Variants in SNX29 observed in about 807,000 individuals in gnomAD.
The protein encoded by SNX29 is sorting nexin 29.
Under a neutral mutation model 102.1 loss-of-function variants are expected in SNX29, and 78 were observed. The observed-to-expected ratio is 0.76, with a 90% CI of 0.64 to 0.92. The LOEUF (loss-of-function observed/expected upper bound fraction) is 0.92, where lower values mean the gene tolerates loss of function less well. Among genes scored for constraint, SNX29 ranks in the 40% least tolerant of loss-of-function variants. The pLI is 0.00. For synonymous variants in SNX29, 580 were observed against 414.5 expected, an observed-to-expected ratio of 1.40 and a Z score of -4.85; for missense variants, 1,280 against 1,061.7, an observed-to-expected ratio of 1.21 and a Z score of -2.86.
At position 12,573,441 on chromosome 16, in the gene SNX29, G is replaced by C. The variant is rs545249320; in HGVS notation, c.*4812G>C. The C allele has an allele frequency of 4.9e-5, 11 of 224,128 alleles. No individual in the cohort carries two copies. The East Asian group carries it at 6.5e-4, about 13-fold the overall frequency. The allele number at this position is 224,128 out of a possible 1,614,324, so 13.9% of individuals were successfully genotyped here. A position where few individuals can be genotyped will look rare whatever the true frequency, so the allele number is the denominator to read the frequency against. On this transcript the variant is annotated 3_prime_UTR_variant, in exon 21 of 21. Coordinates refer to ENST00000566228, the MANE Select transcript of SNX29 (RefSeq NM_032167.5). The stretch of plus-strand genomic sequence containing the variant: ...GAAATCTGGCTTCCTTAATAAGATA[G>C]TTGAGCCTATGACATTAAGGAGCAG...
intron 20 of SNX29, among the ~76,000 whole-genome samples, chr16:12,551,490 T>G (rs1304526162): frequency 6.6e-6 from 1 of 152,168 alleles, no homozygotes; most frequent in Admixed American, 6.5e-5. Context: ...TAATGCAACA[T>G]TAATCTTTGG....
At chr16:12,479,323 C>T (rs762345406) in intron 19 of SNX29, among the ~76,000 whole-genome samples, 1 of 152,204 alleles carries the variant, frequency 6.6e-6, no homozygotes, top group Non-Finnish European at 1.5e-5. Flanking sequence ...TGACCTTTAT[C>T]ACAGAAACAC....
At chr16:12,550,474 G>A (rs968519436) in intron 20 of SNX29, among the ~76,000 whole-genome samples, 1 of 151,242 alleles carries the variant, frequency 6.6e-6, no homozygotes, top group Non-Finnish European at 1.5e-5. Flanking sequence ...GGTGGAGGTT[G>A]GAGTGAGCTG....
rs758659843 is a variant in SNX29, at chr16:12,573,846, C to G, written c.*5217C>G. ...GAATTTTTATTATCCAGGACTCATC[C>G]TAAGAAGAATGTTGGCCTCTCTTCA... On this transcript the variant is annotated 3_prime_UTR_variant, in exon 21 of 21. Coordinates refer to ENST00000566228, the MANE Select transcript of SNX29 (RefSeq NM_032167.5). 2.3e-5 allele frequency: 5 copies of G among 212,868 alleles called. No individual in the cohort carries two copies. The highest frequency in any genetic ancestry group is 3.8e-5 in the Non-Finnish European group (4 of 105,332). The allele number at this position is 212,868 out of a possible 1,614,324, so 13.2% of individuals were successfully genotyped here.
At chr16:12,503,115 C>T (rs1414057161) in intron 19 of SNX29, among the ~76,000 whole-genome samples, 3 of 152,124 alleles carry the variant, frequency 2.0e-5, no homozygotes, top group Admixed American at 6.5e-5. Flanking sequence ...CCACCCCCAC[C>T]CCCAGGGTCG....
chr16:12,216,531 C>A (rs970303404), intron 14 of SNX29, among the ~76,000 whole-genome samples: 5 of 152,182 alleles, frequency 3.3e-5, no homozygotes, highest in Non-Finnish European at 7.3e-5. Flanking sequence ...GCAAGCTGAC[C>A]ACTGGTCTTG....
chr16:12,118,028 C>T (rs991672325), intron 11 of SNX29, among the ~76,000 whole-genome samples: 22 of 150,708 alleles, frequency 1.5e-4, no homozygotes, highest in South Asian at 4.2e-4. Context: ...ACACGGGAGG[C>T]GGAGGTTGCA....
chr16:12,204,941 A>C (rs1001100364), intron 14 of SNX29, among the ~76,000 whole-genome samples: 1 of 151,968 alleles, frequency 6.6e-6, no homozygotes, highest in Non-Finnish European at 1.5e-5. Flanking sequence ...CTCCACACCC[A>C]TGTGCGCTTT....
At chr16:12,371,132 C>T (rs753486210) in intron 16 of SNX29, among the ~76,000 whole-genome samples, 5 of 152,186 alleles carry the variant, frequency 3.3e-5, no homozygotes, top group Non-Finnish European at 7.3e-5. Flanking sequence ...CATCTCAAAG[C>T]GGTGGTTGGG....
At chr16:12,139,251 G>C (rs1048248403) in intron 13 of SNX29, among the ~76,000 whole-genome samples, 3 of 147,078 alleles carry the variant, frequency 2.0e-5, no homozygotes, top group Admixed American at 1.4e-4. Flanking sequence ...AGCATCTCCT[G>C]CCTGATCGTG....
intron 18 of SNX29, among the ~76,000 whole-genome samples, chr16:12,442,519 ACT>A: frequency 6.6e-6 from 1 of 151,728 alleles, no homozygotes; most frequent in Non-Finnish European, 1.5e-5. Context: ...CTCAGATGCA[ACT>A]CTGTTCTTAC....
chr16:12,004,640 C>T (rs560002852), intron 3 of SNX29, among the ~76,000 whole-genome samples: 1 of 152,170 alleles, frequency 6.6e-6, no homozygotes, highest in African/African-American at 2.4e-5. Context: ...CCCACCCTCT[C>T]ACCCTAGCCC....
intron 18 of SNX29, among the ~76,000 whole-genome samples, chr16:12,432,495 C>T (rs1362903812): frequency 2.0e-5 from 3 of 152,168 alleles, no homozygotes; most frequent in African/African-American, 4.8e-5. Context: ...GTGGCCTGGG[C>T]TGGTGGCAGG....
Position 12,516,495 on chromosome 16 carries a change from A to AG in SNX29, c.2179-8207_2179-8206insG, listed in dbSNP as rs201084650. ...ATCCCGTCTCAGAAAAAAAAAAAAA[A>AG]AAAAAGGTGCAGGATGGAATCTCAT... On this transcript the variant is annotated intron_variant, in intron 19 of 20. Transcript: ENST00000566228. Among the ~76,000 whole-genome samples, 1,002 of 151,258 alleles carry AG rather than the reference A, an allele frequency of 6.6e-3. 16 individuals carry two copies. The highest frequency in any genetic ancestry group is 0.045 in the East Asian group (231 of 5,106).
At chr16:12,072,022 C>T (rs1024570155) in intron 10 of SNX29, among the ~76,000 whole-genome samples, 2 of 152,150 alleles carry the variant, frequency 1.3e-5, no homozygotes, top group African/African-American at 4.8e-5. Flanking sequence ...GATTTTGTAT[C>T]CTGAGACTTT....
intron 16 of SNX29, among the ~76,000 whole-genome samples, chr16:12,359,811 A>G (rs996400416): frequency 7.9e-5 from 12 of 151,934 alleles, no homozygotes; most frequent in Non-Finnish European, 8.8e-5. Context: ...CCATTATCAC[A>G]CCTATTTTTA....
At chr16:12,476,377 AAAAAAAATATATATATAT>A (rs2087605992) in intron 18 of SNX29, among the ~76,000 whole-genome samples, 4 of 23,308 alleles carry the variant, frequency 1.7e-4, no homozygotes, top group Non-Finnish European at 3.1e-4. Context: ...AAAAAAAAAA[AAAAAAAATATATATATAT>A]ATATATATAT....
At chr16:12,457,728 A>G (rs181276523) in intron 18 of SNX29, among the ~76,000 whole-genome samples, 2 of 152,220 alleles carry the variant, frequency 1.3e-5, no homozygotes, top group African/African-American at 4.8e-5. Flanking sequence ...AGATGGAAAA[A>G]TGTTCATCCC....
intron 19 of SNX29, among the ~76,000 whole-genome samples, chr16:12,511,021 A>G (rs2089594900): frequency 6.6e-6 from 1 of 151,844 alleles, no homozygotes. Context: ...CAGTGGTGCC[A>G]TTTCGGCTCA....
Sources: gnomAD v4.1 joint callset for allele counts (sites outside exome capture counted in the v4.1 genomes callset) on GRCh38, gnomAD v4.1.1 for gene constraint, MANE v1.5 for transcripts, NCBI Gene and HGNC (gene_info 2026-07-23, HGNC 2026-07-21) for gene names.